Variants in ENTREP2 observed in about 807,000 individuals in gnomAD.
The protein encoded by ENTREP2 is protein ENTREP2.
At chr15:29,672,107 C>G in the ENTREP2 span, among the ~76,000 whole-genome samples, 1 of 152,198 alleles carries the variant, frequency 6.6e-6, no homozygotes, top group Non-Finnish European at 1.5e-5. Flanking sequence ...ATGCCTCAGC[C>G]TCCCGAGTAG....
the ENTREP2 span, among the ~76,000 whole-genome samples, chr15:29,336,896 G>A: frequency 1.3e-5 from 2 of 152,138 alleles, no homozygotes; most frequent in Non-Finnish European, 2.9e-5. Flanking sequence ...GCCACCAGCA[G>A]CGCCGAGGTC....
chr15:29,125,695 C>T, the ENTREP2 span, among the ~76,000 whole-genome samples: 5 of 152,186 alleles, frequency 3.3e-5, no homozygotes, highest in African/African-American at 4.8e-5. Context: ...TCTCCAGCGC[C>T]GGGGGTGCCC....
the ENTREP2 span, among the ~76,000 whole-genome samples, chr15:29,647,788 A>G: frequency 6.6e-6 from 1 of 152,174 alleles, no homozygotes; most frequent in African/African-American, 2.4e-5. Context: ...CCACCTTTTA[A>G]AGGAGCAAGT....
the ENTREP2 span, chr15:29,124,590 G>A: frequency 3.0e-6 from 3 of 1,014,832 alleles, no homozygotes; most frequent in South Asian, 4.4e-5. Context: ...GTGGGGTGAG[G>A]AGCTGCATTT....
chr15:29,669,247 T>G, the ENTREP2 span, among the ~76,000 whole-genome samples: 21,395 of 152,176 alleles, frequency 0.14, 3,001 homozygotes, highest in African/African-American at 0.36. Context: ...CAGGTGATTG[T>G]GTCATGGGGG....
the ENTREP2 span, among the ~76,000 whole-genome samples, chr15:29,368,337 A>AATAT: frequency 6.7e-4 from 98 of 146,090 alleles, no homozygotes; most frequent in South Asian, 2.4e-3. Context: ...CAAAAAAAAA[A>AATAT]ATATATATAT....
chr15:29,150,171 T>C, the ENTREP2 span, among the ~76,000 whole-genome samples: 3 of 152,050 alleles, frequency 2.0e-5, no homozygotes, highest in East Asian at 5.8e-4. Flanking sequence ...GAGGCACAGG[T>C]AGGTTCAGTG....
At chr15:29,615,178 C>T in the ENTREP2 span, among the ~76,000 whole-genome samples, 5 of 148,996 alleles carry the variant, frequency 3.4e-5, no homozygotes, top group Non-Finnish European at 5.9e-5. Context: ...TTTTTTGAGA[C>T]GGAGTCTCCC....
chr15:29,654,456 T>G, the ENTREP2 span, among the ~76,000 whole-genome samples: 6 of 152,216 alleles, frequency 3.9e-5, no homozygotes, highest in African/African-American at 1.4e-4. Flanking sequence ...AAAGATTTCA[T>G]ATAAAAGCTG....
At chr15:29,384,085 G>A in the ENTREP2 span, among the ~76,000 whole-genome samples, 1 of 152,010 alleles carries the variant, frequency 6.6e-6, no homozygotes, top group Non-Finnish European at 1.5e-5. Context: ...CTTGCCTTCT[G>A]TACCCAACAT....
At chr15:29,309,211 A>G in the ENTREP2 span, among the ~76,000 whole-genome samples, 1 of 152,214 alleles carries the variant, frequency 6.6e-6, no homozygotes, top group African/African-American at 2.4e-5. Flanking sequence ...TATACTCAGA[A>G]AGAAGTCATT....
At chr15:29,269,565 G>A in the ENTREP2 span, 27 of 1,528,200 alleles carry the variant, frequency 1.8e-5, no homozygotes, top group Non-Finnish European at 2.4e-5. Flanking sequence ...ACGTGCTCGG[G>A]GCCTCCTCGG....
the ENTREP2 span, among the ~76,000 whole-genome samples, chr15:29,480,749 T>G: frequency 4.6e-3 from 693 of 152,196 alleles, 3 homozygotes; most frequent in Non-Finnish European, 7.1e-3. Flanking sequence ...TTAGAGGCAT[T>G]GAACATCCCA....
the ENTREP2 span, among the ~76,000 whole-genome samples, chr15:29,598,116 CT>C: frequency 9.6e-6 from 1 of 103,932 alleles, no homozygotes; most frequent in East Asian, 2.2e-4. Context: ...AGTGAGACCC[CT>C]GTCTCAAAAA....
chr15:29,495,399 G>C, the ENTREP2 span, among the ~76,000 whole-genome samples: 1 of 152,134 alleles, frequency 6.6e-6, no homozygotes, highest in African/African-American at 2.4e-5. Context: ...TTAGTATGGT[G>C]TAGTCCAATT....
chr15:29,206,719 G>A, the ENTREP2 span, among the ~76,000 whole-genome samples: 5 of 152,052 alleles, frequency 3.3e-5, no homozygotes, highest in African/African-American at 1.2e-4. Context: ...AAATTGACTG[G>A]GGTGGTGACG....
At chr15:29,413,043 T>G in the ENTREP2 span, among the ~76,000 whole-genome samples, 1 of 152,162 alleles carries the variant, frequency 6.6e-6, no homozygotes, top group Admixed American at 6.5e-5. Flanking sequence ...GTTATTAAAA[T>G]CTTTTTTTAA....
chr15:29,455,502 T>C, the ENTREP2 span, among the ~76,000 whole-genome samples: 1 of 152,244 alleles, frequency 6.6e-6, no homozygotes, highest in Non-Finnish European at 1.5e-5. Context: ...TAACAGTATA[T>C]TTATGCTTTT....
chr15:29,339,428 G>A, the ENTREP2 span, among the ~76,000 whole-genome samples: 3 of 152,224 alleles, frequency 2.0e-5, no homozygotes, highest in South Asian at 2.1e-4. Context: ...ATCCATCCAA[G>A]GATCCGTGTT....
Sources: gnomAD v4.1 joint callset for allele counts (sites outside exome capture counted in the v4.1 genomes callset) on GRCh38, gnomAD v4.1.1 for gene constraint, MANE v1.5 for transcripts, NCBI Gene and HGNC (gene_info 2026-07-23, HGNC 2026-07-21) for gene names.